UNC13B: variants seen among roughly 807,000 people sequenced by gnomAD.
UNC13B encodes protein unc-13 homolog B.
In UNC13B, 144 loss-of-function variants were observed where a neutral mutation model predicts 211.0. The ratio of observed to expected loss-of-function variants is 0.68; its 90% confidence interval spans 0.60 to 0.78. The LOEUF (loss-of-function observed/expected upper bound fraction) is 0.78, where lower values mean the gene tolerates loss of function less well. Ranked by LOEUF, UNC13B falls within the 30% of genes least tolerant of loss-of-function variation. The pLI is 0.00. For synonymous variants in UNC13B, 709 were observed against 725.8 expected (o/e 0.98, Z 0.37); for missense variants, 1,777 against 2,002.0 (o/e 0.89, Z 2.14).
At chr9:35,227,559 A>G (rs1452227462) in intron 1 of UNC13B, among the ~76,000 whole-genome samples, 2 of 152,072 alleles carry the variant, frequency 1.3e-5, no homozygotes, top group Non-Finnish European at 2.9e-5. Context: ...AGCTCCTCTT[A>G]CTATCTGCTT....
intron 6 of UNC13B, among the ~76,000 whole-genome samples, chr9:35,257,580 C>CAAAAAAAAAAAAAA (rs1160474466): frequency 5.5e-5 from 2 of 36,390 alleles, no homozygotes; most frequent in African/African-American, 3.1e-4. Context: ...GAATCTGTAT[C>CAAAAAAAAAAAAAA]AAAAAAAAAA....
intron 30 of UNC13B, 88 bp downstream of exon 30, chr9:35,397,800 G>A (rs771111931): frequency 2.5e-5 from 35 of 1,393,410 alleles, no homozygotes; most frequent in Non-Finnish European, 3.5e-5. Flanking sequence ...ATTGAGGGTT[G>A]GGGTGACACT....
At chr9:35,377,864 G>A (rs926011076) in intron 16 of UNC13B, among the ~76,000 whole-genome samples, 169 bp downstream of exon 16, 34 of 152,190 alleles carry the variant, frequency 2.2e-4, no homozygotes, top group African/African-American at 8.0e-4. Flanking sequence ...AGACCCTGGT[G>A]CCGGAGAGGC....
chr9:35,339,665 G>A (rs1223760472), intron 11 of UNC13B, among the ~76,000 whole-genome samples: 1 of 152,262 alleles, frequency 6.6e-6, no homozygotes, highest in Non-Finnish European at 1.5e-5. Flanking sequence ...TTTGAAGATT[G>A]TAACTGGAGA....
chr9:35,362,214 G>A (rs1439954967), intron 11 of UNC13B, among the ~76,000 whole-genome samples: 1 of 152,082 alleles, frequency 6.6e-6, no homozygotes, highest in Non-Finnish European at 1.5e-5. Context: ...ATATTTAGGA[G>A]GTAAAAAGTA....
chr9:35,234,681 A>G (rs1825394641), intron 3 of UNC13B, among the ~76,000 whole-genome samples: 1 of 152,200 alleles, frequency 6.6e-6, no homozygotes, highest in African/African-American at 2.4e-5. Flanking sequence ...CCAAAGCACT[A>G]AGTCATATGT....
At chr9:35,398,837 T>G (rs1587776175) in intron 32 of UNC13B, 45 bp from the exon 33 acceptor site, 1 of 1,597,644 alleles carries the variant, frequency 6.3e-7, no homozygotes, top group Non-Finnish European at 8.6e-7. Context: ...CCAGGGACAG[T>G]GTGTGTTTGG....
rs1254005957 is a variant in UNC13B, at chr9:35,399,270, C to A, written c.12184C>A (p.Leu4062Ile). The part of the protein sequence containing the change: ...TMERMIVLPP[L>I]TDQTGTQLIF... ...GGAGAGGATGATTGTTCTGCCCCCACTCACTGACCAGACGGTAAGGACACC... is the reference window on the plus strand; with the variant it reads ...GGAGAGGATGATTGTTCTGCCCCCAATCACTGACCAGACGGTAAGGACACC... Residue 4062 changes from leucine to isoleucine, a missense_variant, in exon 34 of 40, where the codon CTC becomes ATC. Transcript: ENST00000635942. 1 of 1,614,028 alleles carries A rather than the reference C, an allele frequency of 6.2e-7. No individual in the cohort carries two copies. Among genetic ancestry groups the A allele is most frequent in the Non-Finnish European group, 8.5e-7 (1 of 1,180,014 alleles).
At chr9:35,397,844 A>C (rs898622378) in intron 30 of UNC13B, 132 bp downstream of exon 30, 26 of 905,694 alleles carry the variant, frequency 2.9e-5, no homozygotes, top group Admixed American at 4.9e-5. Flanking sequence ...GCTTTGCTTC[A>C]GATCCATGCC....
At chr9:35,239,933 A>G (rs576607927) in intron 5 of UNC13B, among the ~76,000 whole-genome samples, 47 of 152,208 alleles carry the variant, frequency 3.1e-4, no homozygotes, top group African/African-American at 1.0e-3. Flanking sequence ...CATATTATTT[A>G]AACAATTTGT....
At chr9:35,169,492 A>T (rs988933419) in intron 1 of UNC13B, among the ~76,000 whole-genome samples, 1 of 152,224 alleles carries the variant, frequency 6.6e-6, no homozygotes, top group Non-Finnish European at 1.5e-5. Context: ...GAGTTTTCAG[A>T]CATAGGTATA....
chr9:35,280,972 G>A lies in UNC13B; in HGVS notation c.527-14724G>A, dbSNP rs184988819. Among the ~76,000 whole-genome samples, 437 of 152,278 alleles carry A rather than the reference G, an allele frequency of 2.9e-3. 1 individual carries two copies. The highest frequency in any genetic ancestry group is 3.8e-3 in the Non-Finnish European group (256 of 68,020). ...AAAGGTCAGTTATTACCATAAAAGC[G>A]TGGTCATCTGATGGCTTCTTGTTAT... On this transcript the variant is annotated intron_variant, in intron 7 of 39. Coordinates refer to ENST00000635942, the MANE Select transcript of UNC13B (RefSeq NM_001371189.2).
intron 21 of UNC13B, 113 bp from the exon 22 acceptor site, chr9:35,384,133 A>T: frequency 6.6e-7 from 1 of 1,518,112 alleles, no homozygotes; most frequent in Non-Finnish European, 8.9e-7. Context: ...TCTCCAACCC[A>T]ATGCCTCCCG....
At chr9:35,227,527 G>A (rs904001221) in intron 1 of UNC13B, among the ~76,000 whole-genome samples, 3 of 151,954 alleles carry the variant, frequency 2.0e-5, no homozygotes, top group Admixed American at 2.0e-4. Context: ...TGGAAACAGC[G>A]CTTTGTGATT....
chr9:35,291,507 T>C (rs994409678), intron 7 of UNC13B, among the ~76,000 whole-genome samples: 1 of 152,194 alleles, frequency 6.6e-6, no homozygotes, highest in African/African-American at 2.4e-5. Flanking sequence ...GCATTCTGAT[T>C]TGGCTGATTT....
chr9:35,309,185 T>A (rs1830064225), intron 9 of UNC13B, among the ~76,000 whole-genome samples: 1 of 151,930 alleles, frequency 6.6e-6, no homozygotes. Context: ...TACCTTGACC[T>A]CTGGCCCAAA....
At chr9:35,180,659 C>T (rs1821887216) in intron 1 of UNC13B, among the ~76,000 whole-genome samples, 1 of 152,034 alleles carries the variant, frequency 6.6e-6, no homozygotes, top group South Asian at 2.1e-4. Flanking sequence ...GGTACTTAGC[C>T]TTTCTGAGTT....
intron 11 of UNC13B, among the ~76,000 whole-genome samples, chr9:35,330,800 C>T (rs957400324): frequency 1.3e-5 from 2 of 152,136 alleles, no homozygotes; most frequent in African/African-American, 4.8e-5. Flanking sequence ...GATGTCACAC[C>T]TGGACTGAGA....
At chr9:35,311,037 C>T (rs558451938) in intron 10 of UNC13B, among the ~76,000 whole-genome samples, 11 of 152,088 alleles carry the variant, frequency 7.2e-5, no homozygotes, top group Non-Finnish European at 1.5e-4. Flanking sequence ...CAGGCTGGCA[C>T]GATCTTGGCT....
Sources: allele counts gnomAD v4.1 joint callset (sites outside exome capture counted in the v4.1 genomes callset), GRCh38; gene constraint gnomAD v4.1.1; transcripts MANE v1.5; gene names NCBI Gene and HGNC (gene_info 2026-07-23, HGNC 2026-07-21).